The following LRRC4C variants were observed in gnomAD, a reference collection of about 807,000 sequenced individuals.
LRRC4C encodes leucine-rich repeat-containing protein 4C.
A neutral mutation model predicts 33.6 loss-of-function variants in LRRC4C; 5 were observed. The observed-to-expected ratio is 0.15, with a 90% CI of 0.08 to 0.31. The LOEUF (loss-of-function observed/expected upper bound fraction) is 0.31, where lower values mean the gene tolerates loss of function less well. Ranked by LOEUF, LRRC4C falls within the 10% of genes least tolerant of loss-of-function variation. The probability of loss-of-function intolerance (pLI) is 1.00; values close to 1 mark genes in which losing one functional copy is unlikely to be tolerated. For missense variants in LRRC4C, 560 were observed against 796.7 expected (o/e 0.70, Z 3.58); for synonymous variants, 329 against 302.0 (o/e 1.09, Z -0.93).
intron 1 of LRRC4C, among the ~76,000 whole-genome samples, chr11:40,955,334 T>G (rs1158535115): frequency 6.6e-6 from 1 of 151,792 alleles, no homozygotes; most frequent in Non-Finnish European, 1.5e-5. Context: ...TGTCTCTGTA[T>G]TCTATAGGAG....
At chr11:41,425,479 T>C (rs1180364994) in intron 1 of LRRC4C, among the ~76,000 whole-genome samples, 1 of 152,126 alleles carries the variant, frequency 6.6e-6, no homozygotes, top group Non-Finnish European at 1.5e-5. Flanking sequence ...ACATTTATAC[T>C]ATTGTAAACA....
intron 3 of LRRC4C, among the ~76,000 whole-genome samples, chr11:40,521,828 C>A (rs1411951172): frequency 6.6e-6 from 1 of 151,878 alleles, no homozygotes; most frequent in African/African-American, 2.4e-5. Flanking sequence ...GAGATCGTGC[C>A]ACTGTACTCC....
chr11:41,279,428 A>ACACCCCCCCCCC (rs58139193), intron 1 of LRRC4C, among the ~76,000 whole-genome samples: 2 of 140,786 alleles, frequency 1.4e-5, no homozygotes, highest in Admixed American at 7.2e-5. Flanking sequence ...ACACACACAC[A>ACACCCCCCCCCC]CCGTGGCAAT....
intron 1 of LRRC4C, among the ~76,000 whole-genome samples, chr11:41,238,330 T>C (rs892102252): frequency 1.3e-5 from 2 of 152,292 alleles, no homozygotes; most frequent in African/African-American, 4.8e-5. Flanking sequence ...GCTTGAAACA[T>C]AAAGGTGTCA....
intron 3 of LRRC4C, among the ~76,000 whole-genome samples, chr11:40,375,813 T>A (rs375716779): frequency 1.3e-5 from 2 of 152,060 alleles, no homozygotes; most frequent in South Asian, 4.2e-4. Flanking sequence ...ACCACGGGAG[T>A]CACGTGCTTA....
chr11:40,896,231 T>C (rs1034093803), intron 2 of LRRC4C, among the ~76,000 whole-genome samples: 1 of 152,126 alleles, frequency 6.6e-6, no homozygotes, highest in Non-Finnish European at 1.5e-5. Context: ...CTTAGCTCTA[T>C]AGGATGGCAG....
At chr11:40,888,940 T>C (rs1955579405) in intron 2 of LRRC4C, among the ~76,000 whole-genome samples, 1 of 151,984 alleles carries the variant, frequency 6.6e-6, no homozygotes. Context: ...AATATCGTTA[T>C]TTAAGGCAAT....
At chr11:40,253,990 A>G (rs1866997061) in intron 4 of LRRC4C, among the ~76,000 whole-genome samples, 1 of 152,218 alleles carries the variant, frequency 6.6e-6, no homozygotes, top group African/African-American at 2.4e-5. Context: ...GCAGATTATC[A>G]AACTATGGGA....
At chr11:40,341,951 T>A (rs1267820799) in intron 3 of LRRC4C, among the ~76,000 whole-genome samples, 1 of 151,722 alleles carries the variant, frequency 6.6e-6, no homozygotes, top group Non-Finnish European at 1.5e-5. Context: ...CATAGCTCAG[T>A]GCTGTGCTTT....
At chr11:40,574,870 T>C (rs1178312966) in intron 3 of LRRC4C, among the ~76,000 whole-genome samples, 1 of 152,132 alleles carries the variant, frequency 6.6e-6, no homozygotes, top group Non-Finnish European at 1.5e-5. Flanking sequence ...ACTACTGATA[T>C]GAGCACATAG....
chr11:40,790,086 C>T (rs1950564719), intron 2 of LRRC4C, among the ~76,000 whole-genome samples: 1 of 152,140 alleles, frequency 6.6e-6, no homozygotes, highest in Admixed American at 6.5e-5. Context: ...ATCCTTACAT[C>T]ATAATAAAGA....
chr11:40,994,769 C>T (rs1235753069), intron 1 of LRRC4C, among the ~76,000 whole-genome samples: 4 of 151,488 alleles, frequency 2.6e-5, no homozygotes, highest in East Asian at 1.9e-4. Flanking sequence ...TTACTCTCGC[C>T]GGTTTTTTCT....
chr11:40,739,703 A>C (rs1322124030), intron 2 of LRRC4C, among the ~76,000 whole-genome samples: 1 of 151,860 alleles, frequency 6.6e-6, no homozygotes, highest in Non-Finnish European at 1.5e-5. Flanking sequence ...TACGGTTATA[A>C]GCATCTGGCA....
intron 3 of LRRC4C, among the ~76,000 whole-genome samples, chr11:40,645,908 G>T (rs940402155): frequency 2.0e-5 from 3 of 152,108 alleles, no homozygotes; most frequent in African/African-American, 7.2e-5. Flanking sequence ...CAAGACTCCT[G>T]TATTCCTTTT....
In LRRC4C at chr11:41,281,153, G is replaced by A. The variant is rs537149000; in HGVS notation, c.-496+178278C>T. Among the ~76,000 whole-genome samples the A allele has an allele frequency of 1.7e-4, 24 of 140,478 alleles. No individual in the cohort carries two copies. In the South Asian group the frequency reaches 5.3e-3, roughly 31 times the overall value. 92.2% of individuals were successfully genotyped at this position (140,478 alleles called of 152,430 possible). The stretch of plus-strand genomic sequence containing the variant: ...ACACACAGAGGAACATTCTTCCTGG[G>A]AATAAATCAAAGCACCCCCAGTAGT... On this transcript the variant is annotated intron_variant, in intron 1 of 6. Coordinates refer to ENST00000528697, the MANE Select transcript of LRRC4C (RefSeq NM_001258419.2).
intron 3 of LRRC4C, among the ~76,000 whole-genome samples, chr11:40,455,860 T>A (rs1297146675): frequency 1.3e-5 from 2 of 152,172 alleles, no homozygotes; most frequent in African/African-American, 4.8e-5. Context: ...CAACTCATTT[T>A]ATCTTCAAAT....
intron 4 of LRRC4C, among the ~76,000 whole-genome samples, chr11:40,282,803 T>C (rs1315550187): frequency 1.3e-5 from 2 of 152,208 alleles, no homozygotes; most frequent in African/African-American, 2.4e-5. Context: ...TAACCTTCTG[T>C]AGCATGGAGT....
intron 1 of LRRC4C, among the ~76,000 whole-genome samples, chr11:41,286,128 T>G (rs1591161225): frequency 1.3e-5 from 2 of 152,266 alleles, no homozygotes; most frequent in East Asian, 3.9e-4. Context: ...CACGCCCGCC[T>G]AGTCAATCTC....
chr11:40,901,358 T>G (rs1476295963), intron 2 of LRRC4C, among the ~76,000 whole-genome samples: 1 of 152,104 alleles, frequency 6.6e-6, no homozygotes, highest in Non-Finnish European at 1.5e-5. Flanking sequence ...ACCAGGGCCA[T>G]GTAGCCTGCT....
Sources: allele counts gnomAD v4.1 joint callset (sites outside exome capture counted in the v4.1 genomes callset), GRCh38; gene constraint gnomAD v4.1.1; transcripts MANE v1.5; gene names NCBI Gene and HGNC (gene_info 2026-07-23, HGNC 2026-07-21).